Variants in CD200R1 observed in about 807,000 individuals in gnomAD.
The protein encoded by CD200R1 is CD200 receptor 1.
CD200R1 carries 30 observed loss-of-function variants against 38.1 expected under a neutral mutation model. The observed-to-expected ratio is 0.79, with a 90% CI of 0.59 to 1.07. The LOEUF (loss-of-function observed/expected upper bound fraction) is 1.07, where lower values mean the gene tolerates loss of function less well. Among genes scored for constraint, CD200R1 ranks in the 50% least tolerant of loss-of-function variants. The pLI is 0.00. For missense variants in CD200R1, 372 were observed against 415.4 expected (o/e 0.90, Z 0.91); for synonymous variants, 128 against 152.1 (o/e 0.84, Z 1.16).
At chr3:112,925,948 C>G (rs1040743290) in intron 5 of CD200R1, among the ~76,000 whole-genome samples, 2 of 152,072 alleles carry the variant, frequency 1.3e-5, no homozygotes, top group Non-Finnish European at 2.9e-5. Context: ...GAGTTTTCAG[C>G]AAGACATCAC....
chr3:112,973,800 G>A (rs1255233897), intron 1 of CD200R1, among the ~76,000 whole-genome samples: 4 of 152,036 alleles, frequency 2.6e-5, no homozygotes, highest in Non-Finnish European at 5.9e-5. Context: ...CAGCTGCTCT[G>A]TCTACCAAAA....
chr3:112,938,223 C>T (rs1576134023), intron 2 of CD200R1, among the ~76,000 whole-genome samples: 1 of 152,180 alleles, frequency 6.6e-6, no homozygotes, highest in African/African-American at 2.4e-5. Context: ...ACTTCCAATA[C>T]CATGTTAAAT....
intron 2 of CD200R1, among the ~76,000 whole-genome samples, chr3:112,946,080 A>AG (rs199748776): frequency 1.3e-5 from 2 of 150,000 alleles, no homozygotes; most frequent in Admixed American, 6.7e-5. Context: ...GCCACATACT[A>AG]AAAAAAAAAT....
intron 2 of CD200R1, among the ~76,000 whole-genome samples, chr3:112,932,266 A>G (rs769902381): frequency 3.3e-5 from 5 of 152,128 alleles, no homozygotes; most frequent in African/African-American, 4.8e-5. Flanking sequence ...CATTTGCTGC[A>G]TGGAGCCTGG....
Position 112,964,463 on chromosome 3 carries a change from A to G in CD200R1, c.67+10328T>C, listed in dbSNP as rs149611232. The stretch of plus-strand genomic sequence containing the variant: ...CATCAGCATGACCTGGATGTGAGAC[A>G]TGGAATCAAAGGAGGTCATTTTGGA... On this transcript the variant is annotated intron_variant, in intron 1 of 7. Transcript: ENST00000308611. Among the ~76,000 whole-genome samples the G allele has an allele frequency of 1.4e-4, 21 of 152,322 alleles. No homozygotes were observed. In the East Asian group the frequency reaches 3.9e-3, roughly 28 times the overall value.
chr3:112,966,112 A>T (rs1041228253), intron 1 of CD200R1, among the ~76,000 whole-genome samples: 10 of 152,210 alleles, frequency 6.6e-5, no homozygotes, highest in Non-Finnish European at 1.3e-4. Context: ...CCATCTGTGG[A>T]CATTAAAGAA....
chr3:112,956,718 C>A (rs1271680059), intron 1 of CD200R1, among the ~76,000 whole-genome samples: 1 of 152,112 alleles, frequency 6.6e-6, no homozygotes, highest in Non-Finnish European at 1.5e-5. Context: ...ATCCCTATGC[C>A]CCAGATCACT....
Position 112,928,949 on chromosome 3 carries a change from C to T in CD200R1, c.636G>A (p.Lys212=), listed in dbSNP as rs1216054946. ...SWIPEGDCAT[K]QEYWSNGTVT... is the part of the protein sequence containing the mutation. ...CTGTGCCATTGCTCCAGTATTCTTG[C>T]TTAGTGGCACAATCGCCCTCTGGGA... Residue 212 remains lysine, a synonymous_variant, in exon 5 of 8, where the codon AAG becomes AAA. Transcript: ENST00000308611. The T allele has an allele frequency of 1.2e-6, 2 of 1,613,890 alleles. No individual in the cohort carries two copies. Among genetic ancestry groups the T allele is most frequent in the Non-Finnish European group, 1.7e-6 (2 of 1,179,976 alleles).
At chr3:112,960,096 G>A (rs188563185) in intron 1 of CD200R1, among the ~76,000 whole-genome samples, 2 of 152,132 alleles carry the variant, frequency 1.3e-5, no homozygotes, top group African/African-American at 4.8e-5. Flanking sequence ...ATGCAACTTT[G>A]TAACTGAGAT....
chr3:112,948,011 T>C (rs1006904038), intron 1 of CD200R1, 87 bp from the exon 2 acceptor site: 4 of 884,380 alleles, frequency 4.5e-6, no homozygotes, highest in African/African-American at 3.3e-5. Flanking sequence ...TTTTTCACAT[T>C]CTTCAGACTA....
At chr3:112,968,594 A>T (rs1183476665) in intron 1 of CD200R1, among the ~76,000 whole-genome samples, 3 of 152,188 alleles carry the variant, frequency 2.0e-5, no homozygotes, top group African/African-American at 7.2e-5. Context: ...AGGGCTGCAG[A>T]TGATACCACA....
At chr3:112,953,843 CA>C (rs1458932212) in intron 1 of CD200R1, among the ~76,000 whole-genome samples, 2 of 151,744 alleles carry the variant, frequency 1.3e-5, no homozygotes, top group African/African-American at 4.8e-5. Context: ...CTTTTTTTCT[CA>C]ATTTATCAGC....
chr3:112,950,418 A>C (rs979475498), intron 1 of CD200R1, among the ~76,000 whole-genome samples: 1 of 150,144 alleles, frequency 6.7e-6, no homozygotes, highest in African/African-American at 2.5e-5. Context: ...AAAAAAAAGG[A>C]AAAAAAAATC....
intron 2 of CD200R1, among the ~76,000 whole-genome samples, chr3:112,939,685 T>A (rs1411277968): frequency 6.6e-6 from 1 of 151,602 alleles, no homozygotes; most frequent in African/African-American, 2.4e-5. Flanking sequence ...TGGACTAGAA[T>A]AACTAATATT....
chr3:112,948,847 TC>T (rs1341194161), intron 1 of CD200R1, among the ~76,000 whole-genome samples: 3 of 152,146 alleles, frequency 2.0e-5, no homozygotes, highest in Non-Finnish European at 4.4e-5. Flanking sequence ...ATAAACAATA[TC>T]CCCTTTTTTC....
At position 112,929,515 on chromosome 3, in the gene CD200R1, T is replaced by C. The variant is rs1940372408; in HGVS notation, c.203-8A>G. On this transcript the variant is annotated splice_polypyrimidine_tract_variant and splice_region_variant and intron_variant, in intron 3 of 7. Transcript: ENST00000308611. ...CAGGCCATGAAGTGTTAACTGGACA[T>C]GAAAAGAGAATGATAAAAGAAAAGC... The C allele has an allele frequency of 6.3e-7, 1 of 1,592,078 alleles. No individual in the cohort carries two copies. Among genetic ancestry groups the C allele is most frequent in the African/African-American group, 1.4e-5 (1 of 73,518 alleles).
chr3:112,974,995 C>G lies in CD200R1; in HGVS notation c.-138G>C. 1 of 675,886 alleles carries G rather than the reference C, an allele frequency of 1.5e-6. No individual in the cohort carries two copies. The highest frequency in any genetic ancestry group is 2.6e-6 in the Non-Finnish European group (1 of 378,028). The allele number at this position is 675,886 out of a possible 1,614,324, so 41.9% of individuals were successfully genotyped here. A position where few individuals can be genotyped will look rare whatever the true frequency, so the allele number is the denominator to read the frequency against. ...CTTACCCCATCAACAGTGGGGCACT[C>G]CCTTCCTTCTAGCCCCTTCCTTCAC... On this transcript the variant is annotated 5_prime_UTR_variant, in exon 1 of 8. Coordinates refer to ENST00000308611, the MANE Select transcript of CD200R1 (RefSeq NM_138806.4).
chr3:112,944,306 G>T (rs1940792862), intron 2 of CD200R1, among the ~76,000 whole-genome samples: 1 of 151,858 alleles, frequency 6.6e-6, no homozygotes. Context: ...AACAACTGGG[G>T]TTTATTCCAG....
At chr3:112,930,779 C>T (rs1940411734) in intron 3 of CD200R1, among the ~76,000 whole-genome samples, 1 of 152,186 alleles carries the variant, frequency 6.6e-6, no homozygotes. Context: ...GGTTTGTACT[C>T]TAGCCCTTGC....
Sources: gnomAD v4.1 joint callset for allele counts (sites outside exome capture counted in the v4.1 genomes callset) on GRCh38, gnomAD v4.1.1 for gene constraint, MANE v1.5 for transcripts, NCBI Gene and HGNC (gene_info 2026-07-23, HGNC 2026-07-21) for gene names.